Variants in CSNK1G1 observed in about 807,000 individuals in gnomAD.
The protein encoded by CSNK1G1 is casein kinase I isoform gamma-1.
CSNK1G1 carries 22 observed loss-of-function variants against 59.6 expected under a neutral mutation model. The observed-to-expected ratio is 0.37, with a 90% CI of 0.26 to 0.53. The LOEUF is 0.53. Ranked by LOEUF, CSNK1G1 falls within the 20% of genes least tolerant of loss-of-function variation. The pLI is 0.89. For missense variants in CSNK1G1, 384 were observed against 519.5 expected (o/e 0.74, Z 2.54); for synonymous variants, 179 against 177.1 (o/e 1.01, Z -0.08).
intron 3 of CSNK1G1, among the ~76,000 whole-genome samples, chr15:64,252,404 CT>C (rs1331658364): frequency 4.4e-4 from 67 of 152,026 alleles, no homozygotes; most frequent in Non-Finnish European, 2.1e-4. Context: ...GAGATAGGAT[CT>C]TACTATGCTG....
chr15:64,229,718 T>C (rs1191855101), intron 4 of CSNK1G1, among the ~76,000 whole-genome samples: 1 of 151,970 alleles, frequency 6.6e-6, no homozygotes, highest in Non-Finnish European at 1.5e-5. Flanking sequence ...GTCCTGTATC[T>C]GGATGGCTTG....
intron 4 of CSNK1G1, among the ~76,000 whole-genome samples, chr15:64,224,197 G>T (rs2082426885): frequency 6.6e-6 from 1 of 152,084 alleles, no homozygotes; most frequent in African/African-American, 2.4e-5. Flanking sequence ...AAAGAAAATA[G>T]AATAATTTTT....
intron 2 of CSNK1G1, among the ~76,000 whole-genome samples, chr15:64,274,142 T>C (rs1231661771): frequency 6.8e-6 from 1 of 147,796 alleles, no homozygotes; most frequent in Non-Finnish European, 1.5e-5. Flanking sequence ...ATCAAATACA[T>C]GTTACCCTTT....
chr15:64,304,595 A>C (rs972572334), intron 1 of CSNK1G1, among the ~76,000 whole-genome samples: 1 of 152,168 alleles, frequency 6.6e-6, no homozygotes, highest in Non-Finnish European at 1.5e-5. Flanking sequence ...TTCATGTAAA[A>C]CAGTATATGG....
intron 2 of CSNK1G1, among the ~76,000 whole-genome samples, chr15:64,277,406 A>G (rs1893693595): frequency 6.6e-6 from 1 of 151,884 alleles, no homozygotes; most frequent in Non-Finnish European, 1.5e-5. Flanking sequence ...TCAAGGTTAC[A>G]GTGACCTGTG....
chr15:64,242,964 G>C (rs1347954796), intron 4 of CSNK1G1, among the ~76,000 whole-genome samples: 1 of 152,106 alleles, frequency 6.6e-6, no homozygotes, highest in Non-Finnish European at 1.5e-5. Context: ...CTCATGAATA[G>C]AATGGACAAA....
intron 2 of CSNK1G1, among the ~76,000 whole-genome samples, chr15:64,282,330 G>A (rs1342416530): frequency 6.6e-6 from 1 of 151,898 alleles, no homozygotes; most frequent in Non-Finnish European, 1.5e-5. Flanking sequence ...ACAGTGGTAC[G>A]ATCTCAGCTC....
chr15:64,186,493 G>T (rs1305313834), intron 10 of CSNK1G1, among the ~76,000 whole-genome samples: 1 of 149,438 alleles, frequency 6.7e-6, no homozygotes, highest in Non-Finnish European at 1.5e-5. Flanking sequence ...ATAAAATTGA[G>T]TTTTTTGTTT....
intron 1 of CSNK1G1, among the ~76,000 whole-genome samples, chr15:64,335,410 T>C (rs1897337922): frequency 6.6e-6 from 1 of 152,090 alleles, no homozygotes; most frequent in Non-Finnish European, 1.5e-5. Flanking sequence ...ATTGTTATAC[T>C]TTTCCTTAAA....
At chr15:64,229,551 T>C (rs78833901) in intron 4 of CSNK1G1, among the ~76,000 whole-genome samples, 1,657 of 151,226 alleles carry the variant, frequency 0.011, 16 homozygotes, top group Middle Eastern at 0.031. Context: ...TCTCTCTCTC[T>C]CCCTGATCGC....
At chr15:64,336,517 G>A (rs558950754) in intron 1 of CSNK1G1, among the ~76,000 whole-genome samples, 3 of 152,250 alleles carry the variant, frequency 2.0e-5, no homozygotes, top group South Asian at 4.1e-4. Flanking sequence ...AGCTACTCAA[G>A]AGACTGAGGT....
At chr15:64,219,708 C>T (rs1262311140) in intron 4 of CSNK1G1, among the ~76,000 whole-genome samples, 1 of 152,028 alleles carries the variant, frequency 6.6e-6, no homozygotes. Flanking sequence ...GATCCTCCTG[C>T]TTTGACCTCC....
chr15:64,208,993 C>T (rs1176659763), intron 6 of CSNK1G1, among the ~76,000 whole-genome samples: 3 of 151,222 alleles, frequency 2.0e-5, no homozygotes, highest in African/African-American at 7.3e-5. Context: ...CTCAAGTGAT[C>T]CTCCCACCTC....
At chr15:64,245,169 A>G (rs1438099100) in intron 4 of CSNK1G1, among the ~76,000 whole-genome samples, 1 of 152,238 alleles carries the variant, frequency 6.6e-6, no homozygotes, top group Non-Finnish European at 1.5e-5. Flanking sequence ...CATTGGGGAA[A>G]TGCTTCATGA....
At chr15:64,197,797 G>A (rs893772182) in intron 10 of CSNK1G1, among the ~76,000 whole-genome samples, 8 of 152,020 alleles carry the variant, frequency 5.3e-5, no homozygotes, top group Non-Finnish European at 1.0e-4. Flanking sequence ...CTTAAAATAA[G>A]CACCAACTCG....
rs1349324607 is a variant in CSNK1G1 at position 64,171,059 on chromosome 15, T to C, written c.*872A>G. 1 of 152,640 alleles carries C rather than the reference T, an allele frequency of 6.6e-6. No homozygotes were observed. The highest frequency in any genetic ancestry group is 2.4e-5 in the African/African-American group (1 of 41,436). The allele number at this position is 152,640 out of a possible 1,614,324, so 9.5% of individuals were successfully genotyped here. A position where few individuals can be genotyped will look rare whatever the true frequency, so the allele number is the denominator to read the frequency against. On this transcript the variant is annotated 3_prime_UTR_variant, in exon 12 of 12. Transcript: ENST00000303052. This position sits in a 1 kb window ranked among gnomAD's most constrained non-coding sequence, Gnocchi z 4.8. ...GAGAATGTCCTCTGGACCCATGTTC[T>C]CTCTGAATGGCTTGGCCGGCCCCAT...
At position 64,171,896 on chromosome 15, in the gene CSNK1G1, G is replaced by A. The variant is rs768654190; in HGVS notation, c.*35C>T. On this transcript the variant is annotated 3_prime_UTR_variant, in exon 12 of 12. Coordinates refer to ENST00000303052, the MANE Select transcript of CSNK1G1 (RefSeq NM_022048.5). The surrounding 1 kb of genome is among the most constrained non-coding windows in gnomAD (Gnocchi z 4.8). ...GAGCTGCAGGTACAATTGAGTCAGAGTCCCCAGGGCCTGAGGACTCCTGGG... is the reference window on the plus strand; with the variant it reads ...GAGCTGCAGGTACAATTGAGTCAGAATCCCCAGGGCCTGAGGACTCCTGGG... 4.4e-6 allele frequency: 7 copies of A among 1,577,916 alleles called. No individual in the cohort carries two copies. The highest frequency in any genetic ancestry group is 4.4e-5 in the South Asian group (4 of 90,364).
At chr15:64,253,220 C>T (rs1892186181) in intron 3 of CSNK1G1, among the ~76,000 whole-genome samples, 1 of 152,068 alleles carries the variant, frequency 6.6e-6, no homozygotes, top group Admixed American at 6.6e-5. Context: ...AGGCACGCTC[C>T]TGTAGTCCCA....
intron 2 of CSNK1G1, among the ~76,000 whole-genome samples, chr15:64,272,113 C>G (rs1487502198): frequency 1.3e-5 from 2 of 152,106 alleles, no homozygotes; most frequent in Non-Finnish European, 2.9e-5. Flanking sequence ...AGATTTTCCT[C>G]CATCCTTTTA....
Sources: gnomAD v4.1 joint callset for allele counts (sites outside exome capture counted in the v4.1 genomes callset) on GRCh38, gnomAD v4.1.1 for gene constraint, Gnocchi (gnomAD v3.1) non-coding constraint, MANE v1.5 for transcripts, NCBI Gene and HGNC (gene_info 2026-07-23, HGNC 2026-07-21) for gene names.